CELF4: variants seen among roughly 807,000 people sequenced by gnomAD.
The protein encoded by CELF4 is CUGBP Elav-like family member 4, also known as CUG-BP- and ETR-3-like factor 4.
Under a neutral mutation model 59.9 loss-of-function variants are expected in CELF4, and 18 were observed. The ratio of observed to expected loss-of-function variants is 0.30; its 90% CI spans 0.21 to 0.45. The LOEUF (loss-of-function observed/expected upper bound fraction) is 0.45. Among genes scored for constraint, CELF4 ranks in the 20% least tolerant of loss-of-function variants. CELF4 has a pLI of 1.00. For missense variants in CELF4, 456 were observed against 689.0 expected (o/e 0.66, Z 3.79); for synonymous variants, 261 against 267.1 (o/e 0.98, Z 0.22).
At chr18:37,514,833 G>A (rs2099948822) in intron 1 of CELF4, among the ~76,000 whole-genome samples, 1 of 151,816 alleles carries the variant, frequency 6.6e-6, no homozygotes, top group South Asian at 2.1e-4. Flanking sequence ...TTTACTGTGG[G>A]CTTTTCAGTT....
chr18:37,517,277 G>C (rs1248212301), intron 1 of CELF4, among the ~76,000 whole-genome samples: 4 of 152,208 alleles, frequency 2.6e-5, no homozygotes, highest in African/African-American at 4.8e-5. Flanking sequence ...GGTACAGGCA[G>C]ATTCCTGTTG....
At chr18:37,271,793 G>C (rs16968675) in intron 7 of CELF4, among the ~76,000 whole-genome samples, 1 of 152,124 alleles carries the variant, frequency 6.6e-6, no homozygotes, top group African/African-American at 2.4e-5. Flanking sequence ...TGAAGCAATA[G>C]TAGTGGTCAT....
intron 3 of CELF4, among the ~76,000 whole-genome samples, chr18:37,281,861 G>T (rs959526759): frequency 6.6e-6 from 1 of 152,192 alleles, no homozygotes; most frequent in Non-Finnish European, 1.5e-5. Context: ...CCCGCAGGCA[G>T]TGACTCTGAG....
intron 1 of CELF4, among the ~76,000 whole-genome samples, chr18:37,510,593 C>T (rs1204803057): frequency 1.3e-5 from 2 of 152,224 alleles, no homozygotes; most frequent in African/African-American, 2.4e-5. Flanking sequence ...CAGAATGAAA[C>T]TCGACTTGCC....
chr18:37,336,619 G>A (rs921166444), intron 2 of CELF4, among the ~76,000 whole-genome samples: 21 of 152,168 alleles, frequency 1.4e-4, no homozygotes, highest in African/African-American at 4.8e-4. Flanking sequence ...ACTCATATGT[G>A]TGACAGTGTG....
Position 37,441,834 on chromosome 18 carries a change from G to A in CELF4, c.369+43691C>T, listed in dbSNP as rs920663417. On this transcript the variant is annotated intron_variant, in intron 2 of 12. Transcript: ENST00000420428. Reference sequence around the variant, plus strand: ...TCCTCCTCCCTCAGGAAGTCCTCCTGACGACTGCAACTCACACCCATTCCC... The same window carrying A: ...TCCTCCTCCCTCAGGAAGTCCTCCTAACGACTGCAACTCACACCCATTCCC... Among the ~76,000 whole-genome samples the A allele has an allele frequency of 5.9e-5, 9 of 152,170 alleles. 1 individual carries two copies. Among genetic ancestry groups the A allele is most frequent in the African/African-American group, 2.2e-4 (9 of 41,512 alleles).
At chr18:37,300,397 G>T (rs1177594355) in intron 3 of CELF4, among the ~76,000 whole-genome samples, 1 of 152,106 alleles carries the variant, frequency 6.6e-6, no homozygotes, top group East Asian at 1.9e-4. Flanking sequence ...GCTAATTTTT[G>T]TATTTTTATT....
chr18:37,244,318 G>A lies in CELF4; in HGVS notation c.*924C>T, dbSNP rs929896450. 3 of 152,532 alleles carry A rather than the reference G, an allele frequency of 2.0e-5. No individual in the cohort carries two copies. Among genetic ancestry groups the A allele is most frequent in the Admixed American group, 2.0e-4 (3 of 15,282 alleles). 9.4% of individuals were successfully genotyped at this position (152,532 alleles called of 1,614,324 possible). ...CTTTTCACAACAATGACCTTGCTTGGTAAGTCCCATTTGTTCCCCTCCTTG... is the reference window on the plus strand; with the variant it reads ...CTTTTCACAACAATGACCTTGCTTGATAAGTCCCATTTGTTCCCCTCCTTG... On this transcript the variant is annotated 3_prime_UTR_variant, in exon 13 of 13. Transcript: ENST00000420428.
chr18:37,385,095 C>A (rs1180004455), intron 2 of CELF4, among the ~76,000 whole-genome samples: 1 of 152,028 alleles, frequency 6.6e-6, no homozygotes, highest in Non-Finnish European at 1.5e-5. Flanking sequence ...GCCTGTAATC[C>A]CAGCACTTTG....
At chr18:37,344,331 G>A (rs943524555) in intron 2 of CELF4, among the ~76,000 whole-genome samples, 53 of 152,354 alleles carry the variant, frequency 3.5e-4, no homozygotes, top group Non-Finnish European at 4.0e-4. Flanking sequence ...AGAACAACCC[G>A]TGAAACAGAG....
At chr18:37,524,656 G>C (rs1255944977) in intron 1 of CELF4, among the ~76,000 whole-genome samples, 1 of 152,186 alleles carries the variant, frequency 6.6e-6, no homozygotes, top group Admixed American at 6.5e-5. Context: ...CTCTGGCGCC[G>C]TCCGCCCGCG....
intron 2 of CELF4, among the ~76,000 whole-genome samples, chr18:37,342,641 G>T (rs889696885): frequency 6.6e-6 from 1 of 152,218 alleles, no homozygotes; most frequent in Admixed American, 6.5e-5. Flanking sequence ...CAGAGTGGGG[G>T]AGCCTGGGTT....
At chr18:37,312,537 G>A (rs997714757) in intron 3 of CELF4, among the ~76,000 whole-genome samples, 2 of 152,246 alleles carry the variant, frequency 1.3e-5, no homozygotes, top group Non-Finnish European at 2.9e-5. Context: ...GCTTGGCACT[G>A]GTTGGTGTTC....
At chr18:37,351,117 G>A (rs4799916) in intron 2 of CELF4, among the ~76,000 whole-genome samples, 90,161 of 151,948 alleles carry the variant, frequency 0.59, 27,949 homozygotes, top group East Asian at 0.74. Flanking sequence ...TGGTGGGGGA[G>A]AGGGGGGCTG....
At chr18:37,284,011 A>ACACCAAT (rs2094477062) in intron 3 of CELF4, among the ~76,000 whole-genome samples, 2 of 50,892 alleles carry the variant, frequency 3.9e-5, no homozygotes, top group East Asian at 5.3e-4. Context: ...CCAACCACTC[A>ACACCAAT]ACATGCACAC....
chr18:37,540,472 G>C (rs1374578517), intron 1 of CELF4, among the ~76,000 whole-genome samples: 1 of 152,218 alleles, frequency 6.6e-6, no homozygotes, highest in Non-Finnish European at 1.5e-5. Context: ...TTCCCTTCTA[G>C]GGGTTCAGAG....
At chr18:37,309,591 G>T (rs955839991) in intron 3 of CELF4, among the ~76,000 whole-genome samples, 1 of 152,084 alleles carries the variant, frequency 6.6e-6, no homozygotes, top group African/African-American at 2.4e-5. Flanking sequence ...ATGGGAGAAC[G>T]AACTAGAGAA....
At chr18:37,458,993 T>C (rs2099786314) in intron 2 of CELF4, among the ~76,000 whole-genome samples, 2 of 152,248 alleles carry the variant, frequency 1.3e-5, no homozygotes, top group Non-Finnish European at 2.9e-5. Flanking sequence ...AGCTTGGCTC[T>C]GCTTGCAGAG....
chr18:37,556,011 C>A (rs1162456598), intron 1 of CELF4, among the ~76,000 whole-genome samples: 1 of 152,110 alleles, frequency 6.6e-6, no homozygotes. Flanking sequence ...CCTTTTAGAG[C>A]TGATCAAATA....
Sources: allele counts gnomAD v4.1 joint callset (sites outside exome capture counted in the v4.1 genomes callset), GRCh38; gene constraint gnomAD v4.1.1; transcripts MANE v1.5; gene names NCBI Gene and HGNC (gene_info 2026-07-23, HGNC 2026-07-21).